SRGAP3: variants seen among roughly 807,000 people sequenced by gnomAD.
The protein encoded by SRGAP3 is SLIT-ROBO Rho GTPase activating protein 3, also known as SLIT-ROBO Rho GTPase-activating protein 3.
Under a neutral mutation model 121.1 loss-of-function variants are expected in SRGAP3, and 39 were observed. That is an observed-to-expected ratio of 0.32 (90% CI 0.25 to 0.42). SRGAP3 has a LOEUF of 0.42. SRGAP3 is among the 10% of genes least tolerant of loss of function. The pLI is 1.00. For synonymous variants in SRGAP3, 601 were observed against 570.0 expected (o/e 1.05, Z -0.77); for missense variants, 1,213 against 1,470.6 (o/e 0.82, Z 2.86).
At position 8,985,527 on chromosome 3, in the gene SRGAP3, T is replaced by C. The variant is rs1353265298; in HGVS notation, c.3292A>G (p.Thr1098Ala). 6.3e-7 allele frequency: 1 copy of C among 1,598,052 alleles called. No individual in the cohort carries two copies. The change falls in exon 22 of 22, where the codon ACC (threonine) becomes GCC (alanine). Residue 1098 changes from threonine to alanine, a missense_variant. Around this residue, in one of 2 missense-constraint regions of SRGAP3, gnomAD observed 420 missense variants for 437.7 expected, o/e 0.96. Transcript: ENST00000383836. This position sits in a 1 kb window ranked among gnomAD's most constrained non-coding sequence, Gnocchi z 5.1. ...FPNSSADKSG[T>A]M is the part of the protein sequence containing the mutation. Reference sequence around the variant, plus strand: ...GCGGCCCATCCTGCAGGTCACATGGTGCCCGACTTGTCCGCTGAGCTGTTG... The same window carrying C: ...GCGGCCCATCCTGCAGGTCACATGGCGCCCGACTTGTCCGCTGAGCTGTTG...
At chr3:9,001,035 A>AT (rs917976675) in intron 18 of SRGAP3, among the ~76,000 whole-genome samples, 17 of 152,354 alleles carry the variant, frequency 1.1e-4, no homozygotes, top group African/African-American at 4.1e-4. Flanking sequence ...CTGCTAAAAA[A>AT]TAACTCAAAA....
rs1574842211 is a variant in SRGAP3, at chr3:8,983,866, C to A, written c.*1653G>T. On this transcript the variant is annotated 3_prime_UTR_variant, in exon 22 of 22. Transcript: ENST00000383836. ...TAAGTGCTCAGGGCTGGGACTCAGA[C>A]TCTGGGCCTTTTGACTCCAAACTTC... 4.4e-6 allele frequency: 1 copy of A among 229,880 alleles called. No homozygotes were observed. Among genetic ancestry groups the A allele is most frequent in the Non-Finnish European group, 8.6e-6 (1 of 115,992 alleles). The allele number at this position is 229,880 out of a possible 1,614,324, so 14.2% of individuals were successfully genotyped here.
intron 1 of SRGAP3, among the ~76,000 whole-genome samples, chr3:9,166,165 C>G (rs1950778439): frequency 6.6e-6 from 1 of 152,180 alleles, no homozygotes; most frequent in African/African-American, 2.4e-5. Flanking sequence ...TGTGTCTAGT[C>G]TATAACCTTT....
At chr3:9,183,414 CACTT>C (rs1435416476) in intron 1 of SRGAP3, among the ~76,000 whole-genome samples, 1 of 152,112 alleles carries the variant, frequency 6.6e-6, no homozygotes, top group Non-Finnish European at 1.5e-5. Context: ...GAATACCTGG[CACTT>C]ACTTACTAGA....
intron 3 of SRGAP3, among the ~76,000 whole-genome samples, chr3:9,308,256 T>C (rs890654959): frequency 1.3e-5 from 2 of 152,222 alleles, no homozygotes; most frequent in Non-Finnish European, 2.9e-5. Flanking sequence ...AGTGGTACCC[T>C]CTGGGTGGTG....
At chr3:9,058,742 C>G in intron 6 of SRGAP3, 1 of 391,592 alleles carries the variant, frequency 2.6e-6, no homozygotes, top group East Asian at 4.8e-5. Flanking sequence ...TTTTTTGAGA[C>G]GGAGTCTAGC....
intron 3 of SRGAP3, among the ~76,000 whole-genome samples, chr3:9,286,763 C>T (rs34390466): frequency 4.1e-5 from 6 of 146,054 alleles, no homozygotes; most frequent in African/African-American, 1.5e-4. Context: ...CCACCACACC[C>T]GGCTAATTTT....
At chr3:9,358,916 G>A (rs766306336) in intron 1 of SRGAP3, among the ~76,000 whole-genome samples, 6 of 152,118 alleles carry the variant, frequency 3.9e-5, no homozygotes, top group Non-Finnish European at 8.8e-5. Context: ...CTCACAAGAA[G>A]GCAGATTAAT....
chr3:9,030,082 G>A (rs1944404507), intron 12 of SRGAP3, among the ~76,000 whole-genome samples: 1 of 152,130 alleles, frequency 6.6e-6, no homozygotes, highest in Non-Finnish European at 1.5e-5. Flanking sequence ...AGCCCAAGAG[G>A]TCAAGGCTGC....
intron 4 of SRGAP3, 67 bp downstream of exon 4, chr3:9,079,958 C>T (rs964838733): frequency 4.4e-6 from 7 of 1,580,654 alleles, no homozygotes; most frequent in Middle Eastern, 1.9e-4. Context: ...GTTTTGCTTC[C>T]CTCCAGCTCT....
chr3:8,990,680 G>T lies in SRGAP3; in HGVS notation c.2718C>A (p.Ile906=). The part of the protein sequence containing the change: ...PHKIPLTRGR[I]ESPEKRRMAT... Reference sequence around the variant, plus strand: ...CCATCCTCCGCTTCTCAGGGCTCTCGATCCTCCCCCGGGTGAGGGGGATTT... The same window carrying T: ...CCATCCTCCGCTTCTCAGGGCTCTCTATCCTCCCCCGGGTGAGGGGGATTT... Residue 906 remains isoleucine (I), a synonymous_variant, in exon 21 of 22, where the codon ATC becomes ATA. Transcript: ENST00000383836. 1.2e-6 allele frequency: 2 copies of T among 1,613,558 alleles called. No individual in the cohort carries two copies. Among genetic ancestry groups the T allele is most frequent in the Non-Finnish European group, 1.7e-6 (2 of 1,179,924 alleles).
chr3:9,061,800 G>T (rs1946186036), intron 5 of SRGAP3, among the ~76,000 whole-genome samples: 1 of 152,134 alleles, frequency 6.6e-6, no homozygotes. Flanking sequence ...TCTCAGCAGG[G>T]ACCCAATTGC....
intron 4 of SRGAP3, 126 bp downstream of exon 4, chr3:9,079,899 A>G (rs1947159114): frequency 1.1e-6 from 1 of 892,750 alleles, no homozygotes; most frequent in Admixed American, 2.1e-5. Flanking sequence ...ACCCACTGTC[A>G]CTCAGCATAA....
intron 3 of SRGAP3, among the ~76,000 whole-genome samples, chr3:9,271,337 AAAAT>A (rs1238595365): frequency 6.6e-6 from 1 of 152,218 alleles, no homozygotes; most frequent in Non-Finnish European, 1.5e-5. Context: ...CTGTCTCAAA[AAAAT>A]AAATAAATAA....
rs1011709002 is a variant in SRGAP3, at chr3:9,130,627, C to T, written c.68-5710G>A. Among the ~76,000 whole-genome samples, 6 of 152,198 alleles carry T rather than the reference C, an allele frequency of 3.9e-5. No individual in the cohort carries two copies. The South Asian group carries it at 1.0e-3, about 26-fold the overall frequency. On this transcript the variant is annotated intron_variant, in intron 1 of 21. Coordinates refer to ENST00000383836, the MANE Select transcript of SRGAP3 (RefSeq NM_014850.4). ...CTTGACATGATGCTAGACCGAGGCCCCTACAGGAACTTCTTGGTCTGCATT... is the reference window on the plus strand; with the variant it reads ...CTTGACATGATGCTAGACCGAGGCCTCTACAGGAACTTCTTGGTCTGCATT...
chr3:9,349,059 TGAACCTGC>T, intron 1 of SRGAP3: 1 of 968,938 alleles, frequency 1.0e-6, no homozygotes, highest in Non-Finnish European at 1.7e-6. Context: ...ATCATGGAGC[TGAACCTGC>T]CCACTGGTAT....
Position 9,232,978 on chromosome 3 carries a change from C to G in SRGAP3, c.67+15907G>C, listed in dbSNP as rs142381008. ...GTCTCCTGATGTCTTTTAGTACTGC[C>G]CCACCTTACTCTCCTTCCCAACCAG... On this transcript the variant is annotated intron_variant, in intron 1 of 21. Transcript: ENST00000383836. Among the ~76,000 whole-genome samples the G allele has an allele frequency of 8.5e-4, 130 of 152,274 alleles. No homozygotes were observed. In the Middle Eastern group the frequency reaches 0.01, roughly 12 times the overall value.
At chr3:9,228,721 T>C (rs1488481466) in intron 1 of SRGAP3, among the ~76,000 whole-genome samples, 1 of 152,146 alleles carries the variant, frequency 6.6e-6, no homozygotes, top group African/African-American at 2.4e-5. Flanking sequence ...AGAAGAAAGA[T>C]CAACAAGGTA....
intron 3 of SRGAP3, among the ~76,000 whole-genome samples, chr3:9,319,198 G>A (rs1955400540): frequency 6.6e-6 from 1 of 151,944 alleles, no homozygotes; most frequent in African/African-American, 2.4e-5. Flanking sequence ...GGCTCAGAGA[G>A]ATTAAAAAGC....
Sources: allele counts gnomAD v4.1 joint callset (sites outside exome capture counted in the v4.1 genomes callset), GRCh38; gene constraint gnomAD v4.1.1; regional missense constraint gnomAD v4.1.1; non-coding constraint Gnocchi (gnomAD v3.1); transcripts MANE v1.5; gene names NCBI Gene and HGNC (gene_info 2026-07-23, HGNC 2026-07-21).